The following SNX18 variants were observed in gnomAD, a reference collection of about 807,000 sequenced individuals.
SNX18 encodes the protein sorting nexin 18.
A neutral mutation model predicts 48.7 loss-of-function variants in SNX18; 35 were observed. The observed-to-expected ratio is 0.72, with a 90% confidence interval of 0.55 to 0.95. The LOEUF is 0.95. Among genes scored for constraint, SNX18 ranks in the 40% least tolerant of loss-of-function variants. The probability of loss-of-function intolerance (pLI) is 0.00; values close to 1 mark genes in which losing one functional copy is unlikely to be tolerated. For missense variants in SNX18, 824 were observed against 871.0 expected, an observed-to-expected ratio of 0.95 and a Z score of 0.68; for synonymous variants, 492 against 384.7, an observed-to-expected ratio of 1.28 and a Z score of -3.26.
chr5:54,566,466 A>G, the SNX18 span, among the ~76,000 whole-genome samples: 1 of 152,216 alleles, frequency 6.6e-6, no homozygotes, highest in African/African-American at 2.4e-5. Flanking sequence ...GTGTGGACAA[A>G]GTATATGCAG....
chr5:54,636,163 C>T, the SNX18 span, among the ~76,000 whole-genome samples: 112 of 152,292 alleles, frequency 7.4e-4, no homozygotes, highest in Non-Finnish European at 1.4e-3. Context: ...CCTTCCTAAG[C>T]TTCTGAAGCT....
At chr5:54,584,080 T>C in the SNX18 span, among the ~76,000 whole-genome samples, 99 of 147,452 alleles carry the variant, frequency 6.7e-4, no homozygotes, top group African/African-American at 2.3e-3. Context: ...AGACGGAGTC[T>C]TGCTGTGTTG....
chr5:54,557,699 A>G, the SNX18 span, among the ~76,000 whole-genome samples: 6 of 152,214 alleles, frequency 3.9e-5, no homozygotes, highest in East Asian at 1.2e-3. Context: ...TCAATTGTAC[A>G]ACATGAATGT....
chr5:54,630,498 G>A, the SNX18 span, among the ~76,000 whole-genome samples: 2 of 149,984 alleles, frequency 1.3e-5, no homozygotes, highest in African/African-American at 2.5e-5. Flanking sequence ...TGATTCTACT[G>A]AGAGTGAAGT....
the SNX18 span, among the ~76,000 whole-genome samples, chr5:54,616,430 C>G: frequency 2.0e-5 from 3 of 152,146 alleles, no homozygotes; most frequent in South Asian, 2.1e-4. Context: ...ACTATTCACT[C>G]TGATTGTAAA....
At chr5:54,557,276 A>G in the SNX18 span, among the ~76,000 whole-genome samples, 13 of 152,258 alleles carry the variant, frequency 8.5e-5, no homozygotes, top group Admixed American at 5.2e-4. Flanking sequence ...TGCAGAATGC[A>G]TGGCAGGGGA....
the SNX18 span, among the ~76,000 whole-genome samples, chr5:54,584,073 C>T: frequency 1.3e-4 from 15 of 118,006 alleles, no homozygotes; most frequent in East Asian, 1.0e-3. Context: ...TTTTTTGAGA[C>T]GGAGTCTTGC....
chr5:54,620,096 T>C, the SNX18 span, among the ~76,000 whole-genome samples: 14 of 152,298 alleles, frequency 9.2e-5, no homozygotes, highest in Admixed American at 7.2e-4. Context: ...AATGGTTTTG[T>C]CCTTCAGTTT....
At chr5:54,519,762 G>A (rs750798298) in intron 1 of SNX18, 189 bp downstream of exon 1, 1 of 1,614,048 alleles carries the variant, frequency 6.2e-7, no homozygotes, top group Non-Finnish European at 8.5e-7. Context: ...CTTCCTCCTC[G>A]AGTATCTTGC....
At position 54,543,656 on chromosome 5, in the gene SNX18, G is replaced by A; in HGVS notation, c.*224G>A. On this transcript the variant is annotated 3_prime_UTR_variant, in exon 2 of 2. Coordinates refer to ENST00000381410, the MANE Select transcript of SNX18 (RefSeq NM_001102575.2). ...ATTGTAACTAAATTATACTATGTATGCCTACACTACCATTGTAACTTTTGG... is the reference window on the plus strand; with the variant it reads ...ATTGTAACTAAATTATACTATGTATACCTACACTACCATTGTAACTTTTGG... 5.8e-6 allele frequency: 3 copies of A among 513,680 alleles called. No homozygotes were observed. The highest frequency in any genetic ancestry group is 5.1e-4 in the Middle Eastern group (1 of 1,958). The allele number at this position is 513,680 out of a possible 1,614,324, so 31.8% of individuals were successfully genotyped here.
the SNX18 span, among the ~76,000 whole-genome samples, chr5:54,552,108 C>T: frequency 2.0e-5 from 3 of 152,180 alleles, no homozygotes; most frequent in African/African-American, 4.8e-5. Flanking sequence ...GTGGGTGCCG[C>T]GTCTGTCCAC....
At chr5:54,607,292 A>G in the SNX18 span, among the ~76,000 whole-genome samples, 2 of 151,594 alleles carry the variant, frequency 1.3e-5, no homozygotes, top group Admixed American at 1.3e-4. Context: ...CCCCAGCCCC[A>G]CTCCCCAACG....
At chr5:54,634,078 C>T in the SNX18 span, among the ~76,000 whole-genome samples, 1 of 152,168 alleles carries the variant, frequency 6.6e-6, no homozygotes, top group Non-Finnish European at 1.5e-5. Context: ...GTTTTCAATA[C>T]TTAATATCTT....
the SNX18 span, among the ~76,000 whole-genome samples, chr5:54,617,084 G>A: frequency 1.3e-5 from 2 of 152,200 alleles, no homozygotes; most frequent in African/African-American, 4.8e-5. Flanking sequence ...ATGAATGAGA[G>A]TAAACAACTT....
chr5:54,577,314 A>T, the SNX18 span, among the ~76,000 whole-genome samples: 116 of 151,854 alleles, frequency 7.6e-4, 7 homozygotes, highest in Non-Finnish European at 1.5e-5. Flanking sequence ...TAGATGTTTC[A>T]TAAATACATA....
At chr5:54,525,773 T>A (rs1260586426) in intron 1 of SNX18, among the ~76,000 whole-genome samples, 1 of 152,136 alleles carries the variant, frequency 6.6e-6, no homozygotes, top group Non-Finnish European at 1.5e-5. Flanking sequence ...TTGACTTTTT[T>A]AAAAAAATAA....
chr5:54,519,610 T>C (rs761586735), intron 1 of SNX18, 37 bp downstream of exon 1: 26 of 1,614,106 alleles, frequency 1.6e-5, no homozygotes, highest in Non-Finnish European at 2.2e-5. Context: ...ATATGGAGTG[T>C]ATTGTGCAGG....
At chr5:54,542,760 G>T (rs889827232) in intron 1 of SNX18, among the ~76,000 whole-genome samples, 3 of 152,150 alleles carry the variant, frequency 2.0e-5, no homozygotes, top group African/African-American at 7.2e-5. Context: ...TCCTTTATGG[G>T]ATGTTTTTAT....
chr5:54,579,737 A>C, the SNX18 span, among the ~76,000 whole-genome samples: 1 of 152,222 alleles, frequency 6.6e-6, no homozygotes, highest in Non-Finnish European at 1.5e-5. Flanking sequence ...GAAGCTCATC[A>C]AGGATGGGAA....
Sources: allele counts gnomAD v4.1 joint callset (sites outside exome capture counted in the v4.1 genomes callset), GRCh38; gene constraint gnomAD v4.1.1; transcripts MANE v1.5; gene names NCBI Gene and HGNC (gene_info 2026-07-23, HGNC 2026-07-21).